Variants in PTPN4 observed in about 807,000 individuals in gnomAD.
The protein encoded by PTPN4 is tyrosine-protein phosphatase non-receptor type 4.
PTPN4 carries 49 observed loss-of-function variants against 135.5 expected under a neutral mutation model. The observed-to-expected ratio is 0.36, with a 90% confidence interval of 0.29 to 0.46. The LOEUF is 0.46. Ranked by LOEUF, PTPN4 falls within the 20% of genes least tolerant of loss-of-function variation. The pLI is 1.00. For synonymous variants in PTPN4, 333 were observed against 369.9 expected, an observed-to-expected ratio of 0.90 and a Z score of 1.14; for missense variants, 860 against 1,101.0, an observed-to-expected ratio of 0.78 and a Z score of 3.10.
intron 1 of PTPN4, among the ~76,000 whole-genome samples, chr2:119,800,478 A>G (rs1006889372): frequency 7.0e-6 from 1 of 142,178 alleles, no homozygotes; most frequent in Non-Finnish European, 1.5e-5. Flanking sequence ...CTGAGAGTTT[A>G]TTACATATTC....
rs552737169 is a variant in PTPN4, at chr2:119,862,626, G to A, written c.229G>A (p.Asp77Asn). The change falls in exon 3 of 27, where the codon GAT becomes AAT. Residue 77 changes from aspartate to asparagine, a missense_variant. Physicochemically the swap from Asp to Asn is conservative, Grantham distance 23. Transcript: ENST00000263708. The stretch of plus-strand genomic sequence containing the variant: ...CTATTTTGGTTTACAGTTGGCTGAT[G>A]ATTCCACAGATAACCCAGTAAGTGT... ...QDYFGLQLAD[D>N]STDNPRWLDP... The A allele has an allele frequency of 4.2e-5, 67 of 1,609,254 alleles. 1 individual carries two copies. In the South Asian group the frequency reaches 7.1e-4, roughly 17 times the overall value.
intron 2 of PTPN4, among the ~76,000 whole-genome samples, chr2:119,840,343 C>A (rs1221235196): frequency 6.6e-6 from 1 of 152,180 alleles, no homozygotes; most frequent in African/African-American, 2.4e-5. Context: ...CTCCCACTTA[C>A]AAGTGAGAAC....
intron 2 of PTPN4, among the ~76,000 whole-genome samples, chr2:119,855,253 A>G (rs1343696780): frequency 1.3e-5 from 2 of 152,170 alleles, no homozygotes; most frequent in Non-Finnish European, 2.9e-5. Flanking sequence ...CATATACAAG[A>G]TAATGCAGTT....
intron 1 of PTPN4, among the ~76,000 whole-genome samples, chr2:119,768,866 C>G (rs1690685804): frequency 6.6e-6 from 1 of 152,160 alleles, no homozygotes; most frequent in South Asian, 2.1e-4. Context: ...AAAAGGAGAA[C>G]AGAGCTGAAA....
At chr2:119,794,262 C>T (rs1221553477) in intron 1 of PTPN4, among the ~76,000 whole-genome samples, 1 of 152,182 alleles carries the variant, frequency 6.6e-6, no homozygotes, top group African/African-American at 2.4e-5. Flanking sequence ...GCTTAGCCAG[C>T]TGGAAACCTC....
At chr2:119,797,937 T>A (rs1045106225) in intron 1 of PTPN4, among the ~76,000 whole-genome samples, 14 of 152,298 alleles carry the variant, frequency 9.2e-5, no homozygotes, top group Non-Finnish European at 1.9e-4. Context: ...TATGTTCAAC[T>A]CTTCACTTAA....
intron 2 of PTPN4, among the ~76,000 whole-genome samples, chr2:119,821,495 C>G (rs532307283): frequency 4.1e-4 from 62 of 151,378 alleles, no homozygotes; most frequent in Non-Finnish European, 7.7e-4. Flanking sequence ...TTTGAATGTG[C>G]AGACATTTCC....
chr2:119,793,999 A>G (rs1010322114), intron 1 of PTPN4, among the ~76,000 whole-genome samples: 1 of 151,572 alleles, frequency 6.6e-6, no homozygotes, highest in Non-Finnish European at 1.5e-5. Context: ...GCGTGCCACC[A>G]TGCCTAGCTA....
intron 2 of PTPN4, among the ~76,000 whole-genome samples, chr2:119,836,118 A>G (rs1445913873): frequency 1.3e-5 from 2 of 152,116 alleles, no homozygotes; most frequent in Non-Finnish European, 1.5e-5. Context: ...AGATCACTAT[A>G]CTAGTTGTTT....
intron 14 of PTPN4, among the ~76,000 whole-genome samples, chr2:119,933,303 A>G (rs1678932488): frequency 6.6e-6 from 1 of 152,188 alleles, no homozygotes; most frequent in South Asian, 2.1e-4. Flanking sequence ...AAATACTTGA[A>G]TTTTGGTATG....
chr2:119,933,394 C>T (rs1324401386), intron 14 of PTPN4, among the ~76,000 whole-genome samples: 2 of 151,974 alleles, frequency 1.3e-5, no homozygotes, highest in Non-Finnish European at 2.9e-5. Flanking sequence ...AAATTCTAAA[C>T]GTGGCTGGGT....
At chr2:119,885,666 T>G (rs1199609543) in intron 8 of PTPN4, 129 bp from the exon 9 acceptor site, 4 of 562,106 alleles carry the variant, frequency 7.1e-6, no homozygotes, top group Non-Finnish European at 1.2e-5. Context: ...AGAGGAGTAG[T>G]CCTGCATGGT....
intron 1 of PTPN4, among the ~76,000 whole-genome samples, chr2:119,798,745 A>G (rs532809373): frequency 3.9e-5 from 6 of 152,370 alleles, no homozygotes; most frequent in East Asian, 3.9e-4. Context: ...CTTTAGGTCT[A>G]TATTTATTTG....
At chr2:119,972,554 T>C (rs1679551881) in intron 26 of PTPN4, among the ~76,000 whole-genome samples, 1 of 152,168 alleles carries the variant, frequency 6.6e-6, no homozygotes, top group African/African-American at 2.4e-5. Flanking sequence ...TTTTTCTTTG[T>C]CTTTCTTGTA....
chr2:119,801,021 A>G (rs1691353063), intron 1 of PTPN4, among the ~76,000 whole-genome samples: 1 of 147,972 alleles, frequency 6.8e-6, no homozygotes, highest in African/African-American at 2.5e-5. Flanking sequence ...GAGTATAGTT[A>G]CTCCCACTTT....
intron 2 of PTPN4, among the ~76,000 whole-genome samples, chr2:119,832,319 T>C (rs1359899976): frequency 6.6e-6 from 1 of 152,152 alleles, no homozygotes; most frequent in African/African-American, 2.4e-5. Flanking sequence ...TTTATTGTAT[T>C]TGAGAGGAGT....
At chr2:119,808,546 AC>A (rs1285240194) in intron 1 of PTPN4, among the ~76,000 whole-genome samples, 3 of 152,200 alleles carry the variant, frequency 2.0e-5, no homozygotes, top group African/African-American at 7.2e-5. Context: ...AAGGAGAACT[AC>A]AAACCACTGC....
At chr2:119,848,004 A>G (rs565659746) in intron 2 of PTPN4, among the ~76,000 whole-genome samples, 1 of 150,742 alleles carries the variant, frequency 6.6e-6, no homozygotes, top group South Asian at 2.1e-4. Flanking sequence ...GCTGCTTTCA[A>G]GATATTCTTT....
chr2:119,964,206 T>A (rs1218687156), intron 24 of PTPN4, among the ~76,000 whole-genome samples: 3 of 152,218 alleles, frequency 2.0e-5, no homozygotes, highest in African/African-American at 7.2e-5. Flanking sequence ...TGGGGTGATT[T>A]ACAGGTCCTC....
Sources: allele counts gnomAD v4.1 joint callset (sites outside exome capture counted in the v4.1 genomes callset), GRCh38; gene constraint gnomAD v4.1.1; transcripts MANE v1.5; gene names NCBI Gene and HGNC (gene_info 2026-07-23, HGNC 2026-07-21).